FSD2: variants seen among roughly 807,000 people sequenced by gnomAD.
FSD2 encodes fibronectin type III and SPRY domain-containing protein 2.
In FSD2, 71 loss-of-function variants were observed where a neutral mutation model predicts 80.4. The observed-to-expected ratio is 0.88, with a 90% CI of 0.73 to 1.08. The LOEUF (loss-of-function observed/expected upper bound fraction) is 1.08, where lower values mean the gene tolerates loss of function less well. FSD2 is among the 50% of genes least tolerant of loss of function. The pLI is 0.00. For missense variants in FSD2, 923 were observed against 913.8 expected, an observed-to-expected ratio of 1.01 and a Z score of -0.13; for synonymous variants, 361 against 329.5, an observed-to-expected ratio of 1.10 and a Z score of -1.03.
intron 3 of FSD2, among the ~76,000 whole-genome samples, chr15:82,784,479 C>T (rs192821950): frequency 6.2e-4 from 94 of 152,150 alleles, no homozygotes; most frequent in Admixed American, 5.0e-3. Flanking sequence ...AACTCCTGAC[C>T]TCAAGTGATC....
chr15:82,778,158 A>ATATAT lies in FSD2; in HGVS notation c.1111+607_1111+608insATATA, dbSNP rs1482215584. The stretch of plus-strand genomic sequence containing the variant: ...TATATATATATATATATATATATAT[A>ATATAT]ATAACTATTACATGATCTAGTAATT... On this transcript the variant is annotated intron_variant, in intron 6 of 12. Transcript: ENST00000334574. 5.4e-4 allele frequency among the ~76,000 whole-genome samples: 70 copies of ATATAT among 128,926 alleles called. 1 individual carries two copies. Among genetic ancestry groups the ATATAT allele is most frequent in the African/African-American group, 1.2e-3 (36 of 30,302 alleles). The allele number at this position is 128,926 out of a possible 152,430, so 84.6% of individuals were successfully genotyped here. A position where few individuals can be genotyped will look rare whatever the true frequency, so the allele number is the denominator to read the frequency against.
At chr15:82,766,173 G>C in intron 9 of FSD2, 142 bp from the exon 10 acceptor site, 2 of 886,850 alleles carry the variant, frequency 2.3e-6, no homozygotes, top group Non-Finnish European at 3.3e-6. Context: ...GCATAGCCAG[G>C]AGTGCTGGCT....
At chr15:82,769,672 C>G in intron 8 of FSD2, 78 bp downstream of exon 8, 2 of 1,485,326 alleles carry the variant, frequency 1.3e-6, no homozygotes, top group African/African-American at 1.4e-5. Context: ...AATCAAGAGC[C>G]CTGCCATGTC....
intron 4 of FSD2, among the ~76,000 whole-genome samples, chr15:82,780,799 GA>G (rs1245250834): frequency 6.6e-6 from 1 of 151,832 alleles, no homozygotes; most frequent in Non-Finnish European, 1.5e-5. Context: ...TGGAAATTAG[GA>G]AAAAGTTAAA....
At chr15:82,762,942 A>C (rs990390562) in intron 11 of FSD2, among the ~76,000 whole-genome samples, 1 of 152,242 alleles carries the variant, frequency 6.6e-6, no homozygotes, top group Non-Finnish European at 1.5e-5. Context: ...GGAGACTCCT[A>C]CATTAACCAA....
chr15:82,801,954 G>A (rs760858677), intron 1 of FSD2, among the ~76,000 whole-genome samples: 20 of 152,150 alleles, frequency 1.3e-4, no homozygotes, highest in Non-Finnish European at 2.5e-4. Flanking sequence ...AGGCAGCATC[G>A]CAAAGCCAGT....
At chr15:82,802,539 CT>C (rs1310879217) in intron 1 of FSD2, among the ~76,000 whole-genome samples, 1 of 152,194 alleles carries the variant, frequency 6.6e-6, no homozygotes, top group Non-Finnish European at 1.5e-5. Context: ...GAAATAATGT[CT>C]TACCATTAAC....
chr15:82,762,618 C>A (rs2049318657), intron 11 of FSD2, among the ~76,000 whole-genome samples: 1 of 152,150 alleles, frequency 6.6e-6, no homozygotes, highest in Non-Finnish European at 1.5e-5. Context: ...CACAACACAG[C>A]ACGGTTAAGG....
At chr15:82,766,656 T>G (rs1341664128) in intron 9 of FSD2, among the ~76,000 whole-genome samples, 1 of 151,224 alleles carries the variant, frequency 6.6e-6, no homozygotes, top group Non-Finnish European at 1.5e-5. Flanking sequence ...GCAGGAGAAT[T>G]GCTTGAACCT....
rs1453511566 is a variant in FSD2, at chr15:82,780,408, C to T, written c.967-141G>A. The T allele has an allele frequency of 6.9e-6, 4 of 576,372 alleles. 1 individual carries two copies. The highest frequency in any genetic ancestry group is 4.5e-5 in the South Asian group (2 of 44,610). The allele number at this position is 576,372 out of a possible 1,614,324, so 35.7% of individuals were successfully genotyped here. A position where few individuals can be genotyped will look rare whatever the true frequency, so the allele number is the denominator to read the frequency against. On this transcript the variant is annotated intron_variant, in intron 4 of 12. Coordinates refer to ENST00000334574, the MANE Select transcript of FSD2 (RefSeq NM_001007122.4). ...GGAGTGCAATGGCACAATCTCGGCT[C>T]ACTGCAACCTCCGCCTCCCAGGTTC... is the stretch of plus-strand genomic sequence containing the variant.
At chr15:82,766,701 C>T (rs763728588) in intron 9 of FSD2, among the ~76,000 whole-genome samples, 6 of 149,378 alleles carry the variant, frequency 4.0e-5, no homozygotes, top group East Asian at 3.9e-4. Flanking sequence ...GAGATCATCA[C>T]GCCACTGCAC....
chr15:82,759,463 T>A lies in FSD2; in HGVS notation c.2135A>T (p.Tyr712Phe). 1.2e-6 allele frequency: 2 copies of A among 1,613,616 alleles called. No individual in the cohort carries two copies. The highest frequency in any genetic ancestry group is 1.7e-6 in the Non-Finnish European group (2 of 1,179,718). The change falls in exon 13 of 13, where the codon TAT becomes TTT. Residue 712 changes from tyrosine (Y) to phenylalanine (F), a missense_variant. Physicochemically the swap from Tyr to Phe is conservative, Grantham distance 22 (BLOSUM62 3). Coordinates refer to ENST00000334574, the MANE Select transcript of FSD2 (RefSeq NM_001007122.4). ...TTCGTGAAGCTGACAACTAAATGTATATAGATGCTGAGAAAGGTCCACATT... is the reference window on the plus strand; with the variant it reads ...TTCGTGAAGCTGACAACTAAATGTAAATAGATGCTGAGAAAGGTCCACATT... ...FFNVDLSQHLYTFSCQLHEFV... is the reference protein window; with the variant it reads ...FFNVDLSQHLFTFSCQLHEFV...
At chr15:82,800,730 C>A (rs1006234912) in intron 1 of FSD2, among the ~76,000 whole-genome samples, 1 of 144,498 alleles carries the variant, frequency 6.9e-6, no homozygotes, top group Non-Finnish European at 1.5e-5. Context: ...CAGTCAGGCT[C>A]TTGCTTATCT....
intron 1 of FSD2, among the ~76,000 whole-genome samples, chr15:82,793,490 C>T (rs1271758998): frequency 1.3e-5 from 2 of 152,218 alleles, no homozygotes; most frequent in African/African-American, 4.8e-5. Context: ...TTCTGGCTTA[C>T]TTTGTGTGTC....
rs568737741 is a variant in FSD2 at position 82,769,772 on chromosome 15, G to A, written c.1380C>T (p.Ser460=). The part of the protein sequence containing the change: ...AHNRAGPSPS[S]ERAVYMTAPS... ...TACCTGTCATGTACACTGCACGCTCGCTAGAGGGGCTGGGGCCAGCCCTGT... is the reference window on the plus strand; with the variant it reads ...TACCTGTCATGTACACTGCACGCTCACTAGAGGGGCTGGGGCCAGCCCTGT... Residue 460 remains serine, a synonymous_variant, in exon 8 of 13, where the codon AGC becomes AGT. Transcript: ENST00000334574. The A allele has an allele frequency of 2.7e-5, 44 of 1,613,858 alleles. No homozygotes were observed. The highest frequency in any genetic ancestry group is 2.7e-4 in the East Asian group (12 of 44,864).
At position 82,778,157 on chromosome 15, in the gene FSD2, T is replaced by TATATAA. The variant is rs558795727; in HGVS notation, c.1111+608_1111+609insTTATAT. ...ATATATATATATATATATATATATA[T>TATATAA]AATAACTATTACATGATCTAGTAAT... On this transcript the variant is annotated intron_variant, in intron 6 of 12. Coordinates refer to ENST00000334574, the MANE Select transcript of FSD2 (RefSeq NM_001007122.4). Among the ~76,000 whole-genome samples, 210 of 129,884 alleles carry TATATAA rather than the reference T, an allele frequency of 1.6e-3. 1 individual carries two copies. The highest frequency in any genetic ancestry group is 6.1e-3 in the African/African-American group (194 of 31,704). 85.2% of individuals were successfully genotyped at this position (129,884 alleles called of 152,430 possible). A position where few individuals can be genotyped will look rare whatever the true frequency, so the allele number is the denominator to read the frequency against.
chr15:82,763,942 G>A (rs183574256), intron 11 of FSD2, among the ~76,000 whole-genome samples: 5 of 152,168 alleles, frequency 3.3e-5, no homozygotes, highest in Admixed American at 1.3e-4. Flanking sequence ...TGATCTTTCC[G>A]GCTTCTTTCA....
chr15:82,793,711 G>A (rs1176698268), intron 1 of FSD2, among the ~76,000 whole-genome samples: 2 of 151,982 alleles, frequency 1.3e-5, no homozygotes, highest in Non-Finnish European at 2.9e-5. Flanking sequence ...TTCTTCTTGG[G>A]TCTGTTTTGG....
chr15:82,778,680 A>G, intron 6 of FSD2, 86 bp downstream of exon 6: 1 of 1,417,950 alleles, frequency 7.1e-7, no homozygotes. Flanking sequence ...AAGAGGATAG[A>G]TCTCATGCTA....
Sources: allele counts gnomAD v4.1 joint callset (sites outside exome capture counted in the v4.1 genomes callset), GRCh38; gene constraint gnomAD v4.1.1; transcripts MANE v1.5; gene names NCBI Gene and HGNC (gene_info 2026-07-23, HGNC 2026-07-21).